ITFG1: variants seen among roughly 807,000 people sequenced by gnomAD.
The protein encoded by ITFG1 is integrin alpha FG-GAP repeat containing 1.
Under a neutral mutation model 81.8 loss-of-function variants are expected in ITFG1, and 34 were observed. The observed-to-expected ratio is 0.42, with a 90% CI of 0.32 to 0.55. The LOEUF (loss-of-function observed/expected upper bound fraction) is 0.55, where lower values mean the gene tolerates loss of function less well. Ranked by LOEUF, ITFG1 falls within the 20% of genes least tolerant of loss-of-function variation. The pLI, the probability that ITFG1 is intolerant of heterozygous loss-of-function variation, is 0.17. For missense variants in ITFG1, 672 were observed against 755.4 expected (o/e 0.89, Z 1.29); for synonymous variants, 285 against 270.6 (o/e 1.05, Z -0.52).
chr16:47,415,432 T>C (rs1968861943), intron 6 of ITFG1, among the ~76,000 whole-genome samples: 1 of 152,174 alleles, frequency 6.6e-6, no homozygotes, highest in Admixed American at 6.5e-5. Flanking sequence ...GAATGTGGTA[T>C]TAAAGAACTT....
chr16:47,313,113 AC>A (rs2151565216), intron 9 of ITFG1: 1 of 152,370 alleles, frequency 6.6e-6, no homozygotes, highest in South Asian at 2.1e-4. Flanking sequence ...CACTGTACTC[AC>A]ACTGGCCAGT....
intron 6 of ITFG1, among the ~76,000 whole-genome samples, chr16:47,390,248 G>A (rs1244937862): frequency 2.0e-5 from 3 of 152,196 alleles, no homozygotes; most frequent in Non-Finnish European, 4.4e-5. Context: ...GGCATGGGCT[G>A]ACATCACCAG....
chr16:47,403,756 C>G (rs1386709644), intron 6 of ITFG1, among the ~76,000 whole-genome samples: 6 of 137,860 alleles, frequency 4.4e-5, no homozygotes, highest in Non-Finnish European at 7.8e-5. Flanking sequence ...TTTGATCTCT[C>G]TTGGTACACA....
intron 16 of ITFG1, among the ~76,000 whole-genome samples, chr16:47,161,327 G>C (rs1190671235): frequency 6.6e-6 from 1 of 152,174 alleles, no homozygotes; most frequent in Non-Finnish European, 1.5e-5. Flanking sequence ...GCCAGCAATG[G>C]AGCTGAATCA....
chr16:47,240,257 C>A (rs1192869699), intron 12 of ITFG1, among the ~76,000 whole-genome samples: 1 of 140,478 alleles, frequency 7.1e-6, no homozygotes, highest in Non-Finnish European at 1.5e-5. Context: ...GATCACGCTA[C>A]TGCACTCCAG....
intron 10 of ITFG1, among the ~76,000 whole-genome samples, chr16:47,297,848 T>A (rs1359114429): frequency 6.6e-6 from 1 of 152,192 alleles, no homozygotes; most frequent in Non-Finnish European, 1.5e-5. Flanking sequence ...TGGTATTTGC[T>A]GGGCCTCTTA....
intron 12 of ITFG1, among the ~76,000 whole-genome samples, chr16:47,245,652 G>A (rs1286179461): frequency 2.0e-5 from 3 of 152,128 alleles, no homozygotes; most frequent in Non-Finnish European, 4.4e-5. Context: ...CAATCTGAAA[G>A]CTTTTGATAT....
intron 14 of ITFG1, among the ~76,000 whole-genome samples, chr16:47,216,690 C>T (rs1043989963): frequency 5.9e-5 from 9 of 151,572 alleles, no homozygotes; most frequent in Non-Finnish European, 5.9e-5. Context: ...TTGAGACAGT[C>T]TTACTCCTTC....
intron 7 of ITFG1, among the ~76,000 whole-genome samples, chr16:47,369,994 A>T (rs1311525972): frequency 1.3e-5 from 2 of 150,452 alleles, no homozygotes; most frequent in East Asian, 1.9e-4. Flanking sequence ...ACCTGCCACC[A>T]CTCCCGGCTA....
chr16:47,297,549 TG>T (rs1290584917), intron 10 of ITFG1, among the ~76,000 whole-genome samples: 1 of 152,208 alleles, frequency 6.6e-6, no homozygotes. Context: ...CCTTGATGTT[TG>T]CTTTTGTGGC....
At position 47,158,900 on chromosome 16, in the gene ITFG1, T is replaced by G. The variant is rs1964756985; in HGVS notation, c.1752A>C (p.Ile584=). ...TTTCCTGCCAATGTAAAATGCCAAT[T>G]ATTGCCAAGATGAAAACACAGACAC... ...LIGVCVFILA[I]IGILHWQEKK... The change falls in exon 17 of 18, where the codon ATA becomes ATC. Residue 584 remains isoleucine, a synonymous_variant. Transcript: ENST00000320640. 6.3e-7 allele frequency: 1 copy of G among 1,593,830 alleles called. No individual in the cohort carries two copies. The highest frequency in any genetic ancestry group is 2.3e-5 in the East Asian group (1 of 44,100).
chr16:47,361,770 T>G (rs1968112449), intron 8 of ITFG1, among the ~76,000 whole-genome samples: 1 of 152,146 alleles, frequency 6.6e-6, no homozygotes, highest in Non-Finnish European at 1.5e-5. Flanking sequence ...CTAAAGGTCT[T>G]TTCTTGGTCT....
chr16:47,357,025 C>G (rs574903286), intron 8 of ITFG1, among the ~76,000 whole-genome samples: 2 of 151,236 alleles, frequency 1.3e-5, no homozygotes, highest in Non-Finnish European at 2.9e-5. Context: ...TAATCACTTT[C>G]ATAGTACTGT....
At chr16:47,348,817 C>T (rs560062503) in intron 8 of ITFG1, among the ~76,000 whole-genome samples, 5 of 152,288 alleles carry the variant, frequency 3.3e-5, no homozygotes, top group East Asian at 3.9e-4. Context: ...AGAGAAAGGT[C>T]GGGTTACCCA....
intron 8 of ITFG1, among the ~76,000 whole-genome samples, chr16:47,345,065 GA>G (rs1218464903): frequency 6.6e-6 from 1 of 152,030 alleles, no homozygotes; most frequent in East Asian, 1.9e-4. Flanking sequence ...GAAAGTGGGG[GA>G]AAAAAGAAGT....
At chr16:47,334,945 T>A (rs1967683125) in intron 8 of ITFG1, among the ~76,000 whole-genome samples, 1 of 152,190 alleles carries the variant, frequency 6.6e-6, no homozygotes, top group Non-Finnish European at 1.5e-5. Flanking sequence ...GGAAAAAATT[T>A]TTCTGTCCTT....
chr16:47,353,233 C>A (rs1417076283), intron 8 of ITFG1, among the ~76,000 whole-genome samples: 1 of 151,754 alleles, frequency 6.6e-6, no homozygotes, highest in African/African-American at 2.4e-5. Flanking sequence ...AAAAAAGAAT[C>A]ACCACGATCA....
chr16:47,453,919 G>A (rs1437350316), intron 3 of ITFG1, 94 bp downstream of exon 3: 1 of 810,772 alleles, frequency 1.2e-6, no homozygotes, highest in Non-Finnish European at 1.9e-6. Flanking sequence ...TGACACCCAA[G>A]AACAGTATTT....
chr16:47,421,158 T>C lies in ITFG1; in HGVS notation c.655+7646A>G, dbSNP rs569144958. 2.6e-5 allele frequency among the ~76,000 whole-genome samples: 4 copies of C among 152,082 alleles called. No individual in the cohort carries two copies. In the East Asian group the frequency reaches 7.7e-4, roughly 29 times the overall value. ...GTTGTTACAGGTGAAGTGAGTGTTG[T>C]GTAGGCAGCATAAAGTTAGGTAGGT... is the stretch of plus-strand genomic sequence containing the variant. On this transcript the variant is annotated intron_variant, in intron 6 of 17. Coordinates refer to ENST00000320640, the MANE Select transcript of ITFG1 (RefSeq NM_030790.5).
Sources: gnomAD v4.1 joint callset for allele counts (sites outside exome capture counted in the v4.1 genomes callset) on GRCh38, gnomAD v4.1.1 for gene constraint, MANE v1.5 for transcripts, NCBI Gene and HGNC (gene_info 2026-07-23, HGNC 2026-07-21) for gene names.